HMG20A: variants seen among roughly 807,000 people sequenced by gnomAD.
HMG20A encodes high mobility group protein 20A.
HMG20A carries 17 observed loss-of-function variants against 43.9 expected under a neutral mutation model. The ratio of observed to expected loss-of-function variants is 0.39; its 90% CI spans 0.27 to 0.58. HMG20A has a LOEUF of 0.58. HMG20A is among the 20% of genes least tolerant of loss of function. The pLI, the probability that HMG20A is intolerant of heterozygous loss-of-function variation, is 0.59. For synonymous variants in HMG20A, 132 were observed against 147.5 expected (o/e 0.89, Z 0.76); for missense variants, 341 against 438.2 (o/e 0.78, Z 1.98).
chr15:77,500,362 C>A, the HMG20A span, among the ~76,000 whole-genome samples: 2 of 152,130 alleles, frequency 1.3e-5, no homozygotes, highest in East Asian at 3.9e-4. Context: ...AGGTACCTGG[C>A]ACAGAGCAGG....
chr15:77,515,683 G>C, the HMG20A span, among the ~76,000 whole-genome samples: 1 of 152,198 alleles, frequency 6.6e-6, no homozygotes, highest in Non-Finnish European at 1.5e-5. Context: ...GGGTGATCAC[G>C]AAGTGAATTC....
chr15:77,474,475 G>A (rs1401030413), intron 6 of HMG20A, among the ~76,000 whole-genome samples: 2 of 152,156 alleles, frequency 1.3e-5, no homozygotes, highest in East Asian at 3.8e-4. Flanking sequence ...AGAAACCCAG[G>A]CCTTCTGTGT....
chr15:77,474,486 C>T (rs1386872897), intron 6 of HMG20A, among the ~76,000 whole-genome samples: 1 of 152,230 alleles, frequency 6.6e-6, no homozygotes, highest in African/African-American at 2.4e-5. Context: ...CCTTCTGTGT[C>T]ATAGTCTAAC....
the HMG20A span, among the ~76,000 whole-genome samples, chr15:77,504,931 T>A: frequency 3.0e-4 from 45 of 152,304 alleles, no homozygotes; most frequent in African/African-American, 1.1e-3. Context: ...ACATGTCTGC[T>A]GTATTATTGT....
intron 6 of HMG20A, among the ~76,000 whole-genome samples, chr15:77,476,486 G>GAAAAA (rs148901766): frequency 6.1e-5 from 5 of 81,424 alleles, no homozygotes; most frequent in East Asian, 5.6e-4. Context: ...CTCCCTCTCA[G>GAAAAA]AAAAAAAAAA....
At chr15:77,504,775 G>A in the HMG20A span, among the ~76,000 whole-genome samples, 4 of 152,138 alleles carry the variant, frequency 2.6e-5, no homozygotes, top group Non-Finnish European at 5.9e-5. Context: ...TACAAATGGG[G>A]GGATGCAAAG....
At chr15:77,422,595 G>A (rs560616193) in intron 1 of HMG20A, among the ~76,000 whole-genome samples, 3 of 152,290 alleles carry the variant, frequency 2.0e-5, no homozygotes, top group South Asian at 2.1e-4. Context: ...CAGCCTGGGC[G>A]ACAGTGAGAC....
chr15:77,465,260 C>CAAAAAAAAAAAAAAAAAAAAA (rs71145837), intron 3 of HMG20A, among the ~76,000 whole-genome samples: 1 of 59,216 alleles, frequency 1.7e-5, no homozygotes, highest in Non-Finnish European at 2.7e-5. Context: ...GACTTCGTCT[C>CAAAAAAAAAAAAAAAAAAAAA]AAAAAAAAAA....
the HMG20A span, among the ~76,000 whole-genome samples, chr15:77,502,965 G>A: frequency 2.6e-5 from 4 of 152,032 alleles, no homozygotes; most frequent in African/African-American, 7.2e-5. Context: ...AAGCCCTGTC[G>A]CAAAAACAAA....
At chr15:77,432,779 G>C (rs1162484471) in intron 1 of HMG20A, among the ~76,000 whole-genome samples, 2 of 144,554 alleles carry the variant, frequency 1.4e-5, no homozygotes, top group African/African-American at 2.5e-5. Flanking sequence ...AAGACCAAAA[G>C]TTGGTTCCTT....
intron 1 of HMG20A, among the ~76,000 whole-genome samples, chr15:77,425,540 C>T (rs559191785): frequency 6.6e-5 from 10 of 152,260 alleles, no homozygotes; most frequent in African/African-American, 2.2e-4. Flanking sequence ...ATATATTAAG[C>T]ACCTCCTATA....
chr15:77,424,151 C>G (rs2073400626), intron 1 of HMG20A, among the ~76,000 whole-genome samples: 1 of 152,148 alleles, frequency 6.6e-6, no homozygotes, highest in Admixed American at 6.6e-5. Flanking sequence ...AGAAGCAGCC[C>G]TAAACTTGAT....
intron 2 of HMG20A, among the ~76,000 whole-genome samples, chr15:77,461,675 G>T (rs2072706399): frequency 1.3e-5 from 2 of 152,276 alleles, no homozygotes; most frequent in East Asian, 1.9e-4. Context: ...AGGGATTCAT[G>T]GGATTGTGAA....
At chr15:77,454,342 G>A (rs1480413560) in intron 1 of HMG20A, among the ~76,000 whole-genome samples, 2 of 152,082 alleles carry the variant, frequency 1.3e-5, no homozygotes, top group African/African-American at 2.4e-5. Context: ...AAAAACCACT[G>A]AGTTGTATGT....
the HMG20A span, among the ~76,000 whole-genome samples, chr15:77,493,351 AC>A: frequency 2.0e-4 from 31 of 152,156 alleles, no homozygotes; most frequent in Admixed American, 1.6e-3. Context: ...GAGCACAAAA[AC>A]CAGCTTTCAT....
At chr15:77,497,672 A>AGAGAGAGAGG in the HMG20A span, among the ~76,000 whole-genome samples, 5 of 126,804 alleles carry the variant, frequency 3.9e-5, no homozygotes, top group Non-Finnish European at 8.8e-5. Flanking sequence ...AGAGAGAGAG[A>AGAGAGAGAGG]GAGAGAGAGA....
chr15:77,431,270 G>A (rs1300758504), intron 1 of HMG20A, among the ~76,000 whole-genome samples: 1 of 152,062 alleles, frequency 6.6e-6, no homozygotes, highest in Non-Finnish European at 1.5e-5. Context: ...GGAATGCAGT[G>A]GCGTGATCTC....
the HMG20A span, among the ~76,000 whole-genome samples, chr15:77,505,332 T>C: frequency 6.6e-6 from 1 of 152,236 alleles, no homozygotes; most frequent in African/African-American, 2.4e-5. Flanking sequence ...TTCCCAGAGC[T>C]GATGCAGCTC....
downstream of HMG20A, among the ~76,000 whole-genome samples, chr15:77,486,035 AAC>A (rs2072943766): frequency 6.6e-6 from 1 of 152,250 alleles, no homozygotes; most frequent in African/African-American, 2.4e-5. Context: ...TTAAAACAGT[AAC>A]ACATTCATTT....
Sources: gnomAD v4.1 joint callset for allele counts (sites outside exome capture counted in the v4.1 genomes callset) on GRCh38, gnomAD v4.1.1 for gene constraint, MANE v1.5 for transcripts, NCBI Gene and HGNC (gene_info 2026-07-23, HGNC 2026-07-21) for gene names.